The following CSMD1 variants were observed in gnomAD, a reference collection of about 807,000 sequenced individuals.
CSMD1 encodes CUB and sushi domain-containing protein 1.
A neutral mutation model predicts 417.5 loss-of-function variants in CSMD1; 213 were observed. That is an observed-to-expected ratio of 0.51 (90% CI 0.46 to 0.57). The LOEUF (loss-of-function observed/expected upper bound fraction) is 0.57, where lower values mean the gene tolerates loss of function less well. CSMD1 is among the 20% of genes least tolerant of loss of function. The pLI, the probability that CSMD1 is intolerant of heterozygous loss-of-function variation, is 0.00. For missense variants in CSMD1, 6,923 were observed against 4,529.7 expected, an observed-to-expected ratio of 1.53 and a Z score of -15.17; for synonymous variants, 2,862 against 1,736.8, an observed-to-expected ratio of 1.65 and a Z score of -16.11.
intron 5 of CSMD1, among the ~76,000 whole-genome samples, chr8:3,847,387 C>T (rs950868723): frequency 6.6e-6 from 1 of 152,216 alleles, no homozygotes; most frequent in East Asian, 1.9e-4. Flanking sequence ...GCTGGCCTCC[C>T]GGAAGGCACT....
At chr8:3,696,356 C>T (rs1305899106) in intron 7 of CSMD1, among the ~76,000 whole-genome samples, 1 of 152,180 alleles carries the variant, frequency 6.6e-6, no homozygotes, top group East Asian at 1.9e-4. Context: ...TTCACCTTGG[C>T]TTATCTCTTT....
intron 2 of CSMD1, among the ~76,000 whole-genome samples, chr8:4,473,242 G>A (rs958268795): frequency 1.3e-5 from 2 of 152,098 alleles, no homozygotes; most frequent in Non-Finnish European, 2.9e-5. Flanking sequence ...AAGCCATTTT[G>A]TAAAATTGTA....
chr8:3,984,548 A>C (rs1814160605), intron 5 of CSMD1, among the ~76,000 whole-genome samples: 1 of 151,636 alleles, frequency 6.6e-6, no homozygotes, highest in Non-Finnish European at 1.5e-5. Context: ...TCGTCTAGGT[A>C]TATTAAAAAA....
At chr8:4,791,236 G>T (rs910251667) in intron 1 of CSMD1, among the ~76,000 whole-genome samples, 4 of 149,640 alleles carry the variant, frequency 2.7e-5, no homozygotes, top group African/African-American at 9.7e-5. Flanking sequence ...GAAGGAACGT[G>T]CCTGGGGTTG....
chr8:3,014,487 C>G (rs1475923952), intron 52 of CSMD1, among the ~76,000 whole-genome samples: 2 of 152,082 alleles, frequency 1.3e-5, no homozygotes, highest in African/African-American at 2.4e-5. Context: ...AATATCTCAC[C>G]AAGAACACTG....
intron 3 of CSMD1, among the ~76,000 whole-genome samples, chr8:4,348,378 T>A (rs993222501): frequency 6.6e-6 from 1 of 152,004 alleles, no homozygotes; most frequent in African/African-American, 2.4e-5. Flanking sequence ...GCTACAAGTG[T>A]TTAAAGAACG....
intron 8 of CSMD1, among the ~76,000 whole-genome samples, chr8:3,595,728 G>A (rs971381892): frequency 6.6e-6 from 1 of 152,186 alleles, no homozygotes; most frequent in Non-Finnish European, 1.5e-5. Context: ...AATGTTCCAA[G>A]TTATGTTATA....
At chr8:4,160,683 C>T (rs1054921401) in intron 3 of CSMD1, among the ~76,000 whole-genome samples, 1 of 152,342 alleles carries the variant, frequency 6.6e-6, no homozygotes, top group Middle Eastern at 3.4e-3. Flanking sequence ...CACGCAATGT[C>T]CCACACTCCA....
chr8:3,453,084 G>C (rs1016207212), intron 12 of CSMD1, among the ~76,000 whole-genome samples: 3 of 152,146 alleles, frequency 2.0e-5, no homozygotes, highest in Non-Finnish European at 4.4e-5. Flanking sequence ...ATTTCTTCTA[G>C]ATTTTCTAGT....
At chr8:4,146,856 C>T (rs948169196) in intron 3 of CSMD1, among the ~76,000 whole-genome samples, 3 of 147,448 alleles carry the variant, frequency 2.0e-5, no homozygotes, top group East Asian at 1.9e-4. Context: ...GTGATCCGCC[C>T]GCCTCAGCCT....
At chr8:4,668,364 C>T (rs1490775109) in intron 1 of CSMD1, among the ~76,000 whole-genome samples, 2 of 151,186 alleles carry the variant, frequency 1.3e-5, no homozygotes, top group Non-Finnish European at 2.9e-5. Flanking sequence ...CTTGAACCCT[C>T]GTCTCTAGCC....
At chr8:3,661,593 T>A (rs1277329334) in intron 7 of CSMD1, among the ~76,000 whole-genome samples, 1 of 151,386 alleles carries the variant, frequency 6.6e-6, no homozygotes, top group Admixed American at 6.6e-5. Flanking sequence ...ACCTCCCGGG[T>A]TCAAGTGATT....
At chr8:3,670,873 G>A (rs958805606) in intron 7 of CSMD1, among the ~76,000 whole-genome samples, 2 of 150,020 alleles carry the variant, frequency 1.3e-5, no homozygotes, top group East Asian at 2.0e-4. Context: ...GGATATATAT[G>A]TATATGGGAT....
chr8:3,727,289 G>C (rs1368304704), intron 6 of CSMD1, among the ~76,000 whole-genome samples: 3 of 152,160 alleles, frequency 2.0e-5, no homozygotes, highest in African/African-American at 7.2e-5. Flanking sequence ...ATACCTTTGA[G>C]GCAGTCAGCT....
At chr8:4,111,201 G>C (rs1267020826) in intron 3 of CSMD1, among the ~76,000 whole-genome samples, 2 of 152,050 alleles carry the variant, frequency 1.3e-5, no homozygotes, top group African/African-American at 2.4e-5. Context: ...TGATATTTGT[G>C]TTATGTTTGT....
chr8:4,106,430 C>T (rs919715430), intron 3 of CSMD1, among the ~76,000 whole-genome samples: 6 of 152,136 alleles, frequency 3.9e-5, no homozygotes, highest in Admixed American at 2.0e-4. Context: ...ATATCAAACT[C>T]TATAGAATTT....
chr8:4,834,855 G>A (rs921850784), intron 1 of CSMD1, among the ~76,000 whole-genome samples: 15 of 148,790 alleles, frequency 1.0e-4, no homozygotes, highest in African/African-American at 3.4e-4. Context: ...TACTTGGGAG[G>A]CTGAGGCAGG....
chr8:4,268,236 G>A (rs1035632634), intron 3 of CSMD1, among the ~76,000 whole-genome samples: 3 of 152,108 alleles, frequency 2.0e-5, no homozygotes, highest in Non-Finnish European at 4.4e-5. Context: ...ATTGTAAGGT[G>A]AGCAAAAGAT....
At chr8:3,884,487 A>T (rs528088573) in intron 5 of CSMD1, among the ~76,000 whole-genome samples, 1 of 152,280 alleles carries the variant, frequency 6.6e-6, no homozygotes, top group African/African-American at 2.4e-5. Context: ...CCGCAGTAGC[A>T]TAACTTCACA....
Sources: gnomAD v4.1 joint callset for allele counts (sites outside exome capture counted in the v4.1 genomes callset) on GRCh38, gnomAD v4.1.1 for gene constraint, MANE v1.5 for transcripts, NCBI Gene and HGNC (gene_info 2026-07-23, HGNC 2026-07-21) for gene names.